The following NSF variants were observed in gnomAD, a reference collection of about 807,000 sequenced individuals.
The protein encoded by NSF is N-ethylmaleimide sensitive factor, vesicle fusing ATPase, also known as vesicle-fusing ATPase.
Under a neutral mutation model 50.3 loss-of-function variants are expected in NSF, and 14 were observed. That is an observed-to-expected ratio of 0.28 (90% CI 0.18 to 0.44). The LOEUF is 0.44. Ranked by LOEUF, NSF falls within the 20% of genes least tolerant of loss-of-function variation. NSF has a pLI of 1.00. For synonymous variants in NSF, 109 were observed against 175.7 expected (o/e 0.62, Z 3.00); for missense variants, 218 against 504.3 (o/e 0.43, Z 5.44).
intron 17 of NSF, among the ~76,000 whole-genome samples, chr17:46,731,135 A>G (rs1436419285): frequency 6.6e-6 from 1 of 152,178 alleles, no homozygotes; most frequent in African/African-American, 2.4e-5. Context: ...TAGTATATCC[A>G]TATAATGGAA....
At chr17:46,638,399 A>G (rs958854760) in intron 5 of NSF, among the ~76,000 whole-genome samples, 1 of 40,032 alleles carries the variant, frequency 2.5e-5, no homozygotes, top group African/African-American at 1.4e-4. Flanking sequence ...ATTTTTTGAG[A>G]TGGTGTGTTA....
At chr17:46,728,667 TATAA>T (rs537214772) in intron 16 of NSF, among the ~76,000 whole-genome samples, 184 bp from the exon 17 acceptor site, 26 of 151,934 alleles carry the variant, frequency 1.7e-4, no homozygotes, top group Non-Finnish European at 1.8e-4. Context: ...TTTTTCTTAT[TATAA>T]ATAGTTTTAT....
chr17:46,708,612 C>T (rs2058681765), intron 13 of NSF, among the ~76,000 whole-genome samples: 1 of 146,024 alleles, frequency 6.8e-6, no homozygotes, highest in Admixed American at 6.8e-5. Context: ...CTGCCTCAGC[C>T]TCCCCAGTAG....
At chr17:46,697,445 C>T (rs1238841675) in intron 12 of NSF, among the ~76,000 whole-genome samples, 1 of 149,082 alleles carries the variant, frequency 6.7e-6, no homozygotes, top group Non-Finnish European at 1.5e-5. Flanking sequence ...CCCCTGACCT[C>T]GTGATCCGCC....
At chr17:46,745,671 G>C (rs2059120833) in intron 17 of NSF, among the ~76,000 whole-genome samples, 1 of 152,140 alleles carries the variant, frequency 6.6e-6, no homozygotes, top group African/African-American at 2.4e-5. Context: ...TATGGACTAT[G>C]GAACATTAAA....
intron 19 of NSF, 121 bp from the exon 20 acceptor site, chr17:46,755,193 C>G: frequency 1.4e-6 from 1 of 711,544 alleles, no homozygotes; most frequent in East Asian, 2.7e-5. Flanking sequence ...GCAGGTAACA[C>G]ATTCAGTGAC....
At chr17:46,755,396 A>G (rs1482333171) in intron 20 of NSF, 27 bp downstream of exon 20, 2 of 1,588,850 alleles carry the variant, frequency 1.3e-6, no homozygotes, top group East Asian at 2.2e-5. Flanking sequence ...TTTAATGACC[A>G]TCAACCAAAC....
chr17:46,723,553 TG>T (rs2058854990), intron 15 of NSF, among the ~76,000 whole-genome samples: 1 of 152,200 alleles, frequency 6.6e-6, no homozygotes, highest in Admixed American at 6.5e-5. Flanking sequence ...TTTCTGTGTT[TG>T]GGGAGGAGAA....
intron 1 of NSF, among the ~76,000 whole-genome samples, chr17:46,608,076 C>T (rs2057968099): frequency 8.0e-6 from 1 of 124,376 alleles, no homozygotes; most frequent in Non-Finnish European, 1.6e-5. Context: ...TTTGGGAGGC[C>T]GAGCTGGGCG....
At chr17:46,709,774 C>CT (rs1411560410) in intron 13 of NSF, among the ~76,000 whole-genome samples, 1 of 152,148 alleles carries the variant, frequency 6.6e-6, no homozygotes, top group Admixed American at 6.5e-5. Context: ...GGATTATAGG[C>CT]TTGAGTCACT....
Position 46,751,531 on chromosome 17 carries a change from G to A in NSF, c.2072G>A (p.Arg691His), listed in dbSNP as rs1257691732. The A allele has an allele frequency of 1.9e-6, 3 of 1,613,914 alleles. No individual in the cohort carries two copies. Among genetic ancestry groups the A allele is most frequent in the South Asian group, 1.1e-5 (1 of 91,026 alleles). Residue 691 changes from arginine to histidine, a missense_variant, in exon 19 of 21, where the codon CGC becomes CAC. Around this residue, in one of 2 missense-constraint regions of NSF, gnomAD observed 209 missense variants for 320.9 expected, o/e 0.65. Transcript: ENST00000398238. ...TTGGGCAACTTCAAGGATAAGGAAC[G>A]CACCACAATTGCACAGCAAGTCAAA... Reference protein sequence around the residue: ...ELLGNFKDKERTTIAQQVKGK... With the variant: ...ELLGNFKDKEHTTIAQQVKGK...
chr17:46,705,324 C>A (rs2058648432), intron 13 of NSF, among the ~76,000 whole-genome samples: 1 of 148,782 alleles, frequency 6.7e-6, no homozygotes. Flanking sequence ...ATCCCTTTTT[C>A]TTGCTCAGTA....
At chr17:46,754,173 A>G (rs562526001) in intron 19 of NSF, among the ~76,000 whole-genome samples, 1 of 148,342 alleles carries the variant, frequency 6.7e-6, no homozygotes, top group East Asian at 1.9e-4. Context: ...TTTTTTAAGA[A>G]CTTGACAATT....
chr17:46,739,279 G>A (rs1458728125), intron 17 of NSF, among the ~76,000 whole-genome samples: 1 of 148,114 alleles, frequency 6.8e-6, no homozygotes, highest in Admixed American at 6.9e-5. Context: ...GCTGAGGCAG[G>A]AGAATCGCTT....
At chr17:46,690,811 A>G (rs1019961382) in intron 9 of NSF, among the ~76,000 whole-genome samples, 1 of 28,266 alleles carries the variant, frequency 3.5e-5, no homozygotes, top group Non-Finnish European at 5.6e-5. Flanking sequence ...AGCAAAAATA[A>G]CCATTGAAAA....
chr17:46,723,379 A>G (rs2058853098), intron 15 of NSF, among the ~76,000 whole-genome samples: 1 of 152,244 alleles, frequency 6.6e-6, no homozygotes, highest in Non-Finnish European at 1.5e-5. Flanking sequence ...AGTTTATAAG[A>G]TACCACATTG....
At chr17:46,610,027 T>TCTCTC (rs2057995651) in intron 1 of NSF, among the ~76,000 whole-genome samples, 1 of 109,468 alleles carries the variant, frequency 9.1e-6, no homozygotes, top group East Asian at 2.1e-4. Context: ...CTTTCTTTCT[T>TCTCTC]TCTCTCTCTC....
intron 17 of NSF, among the ~76,000 whole-genome samples, chr17:46,740,270 CAATGTGGGCTCTGT>C (rs2059056251): frequency 6.6e-6 from 1 of 152,068 alleles, no homozygotes; most frequent in Non-Finnish European, 1.5e-5. Flanking sequence ...CCTAAAGGAG[CAATGTGGGCTCTGT>C]AGGGTTAAAT....
chr17:46,708,463 T>TA (rs1215775946), intron 13 of NSF, among the ~76,000 whole-genome samples: 1 of 151,906 alleles, frequency 6.6e-6, no homozygotes, highest in Non-Finnish European at 1.5e-5. Flanking sequence ...TATCTTTTCA[T>TA]ATGCTTATCA....
Sources: allele counts gnomAD v4.1 joint callset (sites outside exome capture counted in the v4.1 genomes callset), GRCh38; gene constraint gnomAD v4.1.1; regional missense constraint gnomAD v4.1.1; transcripts MANE v1.5; gene names NCBI Gene and HGNC (gene_info 2026-07-23, HGNC 2026-07-21).